SV2C: variants seen among roughly 807,000 people sequenced by gnomAD.
SV2C encodes solute carrier family 22 member B3.
A neutral mutation model predicts 79.7 loss-of-function variants in SV2C; 49 were observed. The observed-to-expected ratio is 0.61, with a 90% CI of 0.49 to 0.78. The LOEUF is 0.78. SV2C is among the 30% of genes least tolerant of loss of function. The probability of loss-of-function intolerance (pLI) is 0.00; values close to 1 mark genes in which losing one functional copy is unlikely to be tolerated. For missense variants in SV2C, 833 were observed against 912.9 expected (o/e 0.91, Z 1.13); for synonymous variants, 334 against 333.2 (o/e 1.00, Z -0.03).
chr5:76,266,734 G>A, intron 4 of SV2C, among the ~76,000 whole-genome samples: 1 of 151,942 alleles, frequency 6.6e-6, no homozygotes, highest in East Asian at 1.9e-4. Context: ...GGAGCTGGAT[G>A]GTGGTGCTGG....
the SV2C span, among the ~76,000 whole-genome samples, chr5:76,045,729 T>G: frequency 6.6e-6 from 1 of 152,224 alleles, no homozygotes; most frequent in African/African-American, 2.4e-5. Context: ...TATTTTATTT[T>G]GCTTCTAGGT....
chr5:76,280,992 C>T (rs1179986222), intron 4 of SV2C: 4 of 539,000 alleles, frequency 7.4e-6, no homozygotes, highest in Admixed American at 3.9e-5. Flanking sequence ...GGAAGCAAAG[C>T]ACAGGGAGGC....
At chr5:75,903,877 A>G in the SV2C span, among the ~76,000 whole-genome samples, 1 of 152,236 alleles carries the variant, frequency 6.6e-6, no homozygotes, top group Non-Finnish European at 1.5e-5. Flanking sequence ...AGAATTATCA[A>G]CTTTATCTTC....
intron 12 of SV2C, among the ~76,000 whole-genome samples, chr5:76,350,346 G>A (rs1749622993): frequency 1.3e-5 from 2 of 152,214 alleles, no homozygotes; most frequent in African/African-American, 2.4e-5. Context: ...ATGGGAATAT[G>A]GGGAACTCTC....
chr5:76,115,342 A>G (rs1748230067), intron 1 of SV2C, among the ~76,000 whole-genome samples: 1 of 152,230 alleles, frequency 6.6e-6, no homozygotes, highest in South Asian at 2.1e-4. Context: ...TTTTAGTGAT[A>G]GGCGTACAGG....
chr5:76,158,133 A>C (rs1742790246), intron 2 of SV2C, among the ~76,000 whole-genome samples: 1 of 151,936 alleles, frequency 6.6e-6, no homozygotes, highest in Non-Finnish European at 1.5e-5. Context: ...ATAGAGGAGA[A>C]GACAACATGG....
At chr5:75,930,996 C>T in the SV2C span, among the ~76,000 whole-genome samples, 87 of 152,110 alleles carry the variant, frequency 5.7e-4, no homozygotes, top group African/African-American at 2.0e-3. Context: ...TAGCCAGGCA[C>T]GGTGGCACAT....
chr5:76,131,849 T>A lies in SV2C; in HGVS notation c.99T>A (p.Ala33=). The A allele has an allele frequency of 6.2e-7, 1 of 1,614,032 alleles. No homozygotes were observed. Among genetic ancestry groups the A allele is most frequent in the Non-Finnish European group, 8.5e-7 (1 of 1,179,986 alleles). Residue 33 remains alanine (A), a synonymous_variant, in exon 2 of 13, where the codon GCT becomes GCA. Transcript: ENST00000502798. ...AAACAGTAAAGAAGGTGAATCAAGC[T>A]GTGGACCGAGCCCAGGATGAATACA... ...KKQTVKKVNQ[A]VDRAQDEYTQ...
At chr5:76,255,241 C>T (rs1323041139) in intron 4 of SV2C, among the ~76,000 whole-genome samples, 4 of 152,176 alleles carry the variant, frequency 2.6e-5, no homozygotes, top group Non-Finnish European at 5.9e-5. Flanking sequence ...AACCATAAAG[C>T]ATTATCAAAA....
chr5:76,162,740 GT>G (rs1742932010), intron 2 of SV2C, among the ~76,000 whole-genome samples: 1 of 152,202 alleles, frequency 6.6e-6, no homozygotes, highest in Non-Finnish European at 1.5e-5. Flanking sequence ...GCCCTGGAAT[GT>G]TTCATGGGAC....
At chr5:75,930,869 C>T in the SV2C span, among the ~76,000 whole-genome samples, 7 of 152,268 alleles carry the variant, frequency 4.6e-5, no homozygotes, top group East Asian at 1.2e-3. Context: ...GTTGGAGGCT[C>T]GTGCCTGTAA....
the SV2C span, among the ~76,000 whole-genome samples, chr5:75,874,239 G>A: frequency 6.6e-6 from 1 of 152,098 alleles, no homozygotes; most frequent in Admixed American, 6.6e-5. Flanking sequence ...GGGATGCAAG[G>A]TTGGTTCAAC....
At chr5:75,854,066 G>GCAT in the SV2C span, among the ~76,000 whole-genome samples, 1 of 149,298 alleles carries the variant, frequency 6.7e-6, no homozygotes, top group African/African-American at 2.5e-5. Context: ...CTGTAGATCT[G>GCAT]CATTCTTTCA....
chr5:75,951,287 T>C, the SV2C span, among the ~76,000 whole-genome samples: 1 of 152,036 alleles, frequency 6.6e-6, no homozygotes, highest in Admixed American at 6.6e-5. Flanking sequence ...TCCAATTGAG[T>C]GCAAACATGT....
chr5:76,071,515 G>C, the SV2C span, among the ~76,000 whole-genome samples: 1 of 152,190 alleles, frequency 6.6e-6, no homozygotes, highest in East Asian at 1.9e-4. Context: ...GGGAAGAGCT[G>C]TAGTCTAAGT....
chr5:76,238,373 G>A (rs190323704), intron 4 of SV2C, among the ~76,000 whole-genome samples: 2 of 152,078 alleles, frequency 1.3e-5, no homozygotes, highest in Admixed American at 6.6e-5. Flanking sequence ...TTTCATGGCT[G>A]TATCATGTTC....
chr5:75,932,599 G>C, the SV2C span, among the ~76,000 whole-genome samples: 4 of 152,232 alleles, frequency 2.6e-5, no homozygotes, highest in African/African-American at 9.6e-5. Context: ...CATTCTTCGT[G>C]AAGAGCAGAG....
intron 4 of SV2C, among the ~76,000 whole-genome samples, chr5:76,283,041 G>A (rs199628106): frequency 5.3e-5 from 8 of 150,982 alleles, no homozygotes; most frequent in Non-Finnish European, 1.0e-4. Context: ...AAGTCTGGGC[G>A]CGGTGGCTCA....
At chr5:75,900,959 T>C in the SV2C span, among the ~76,000 whole-genome samples, 1 of 152,176 alleles carries the variant, frequency 6.6e-6, no homozygotes, top group South Asian at 2.1e-4. Context: ...CACTTTTCTG[T>C]ATTGGTTATT....
Sources: gnomAD v4.1 joint callset for allele counts (sites outside exome capture counted in the v4.1 genomes callset) on GRCh38, gnomAD v4.1.1 for gene constraint, MANE v1.5 for transcripts, NCBI Gene and HGNC (gene_info 2026-07-23, HGNC 2026-07-21) for gene names.